Variants in ADAMTS7 observed in about 807,000 individuals in gnomAD.
The protein encoded by ADAMTS7 is A disintegrin and metalloproteinase with thrombospondin motifs 7.
In ADAMTS7, 89 loss-of-function variants were observed where a neutral mutation model predicts 172.6. The observed-to-expected ratio is 0.52, with a 90% CI of 0.43 to 0.61. The LOEUF (loss-of-function observed/expected upper bound fraction) is 0.61. Among genes scored for constraint, ADAMTS7 ranks in the 20% least tolerant of loss-of-function variants. The pLI is 0.00. For missense variants in ADAMTS7, 1,973 were observed against 2,355.6 expected, an observed-to-expected ratio of 0.84 and a Z score of 3.36; for synonymous variants, 885 against 978.4, an observed-to-expected ratio of 0.90 and a Z score of 1.78.
chr15:78,795,600 C>A (rs2055632520), intron 4 of ADAMTS7, among the ~76,000 whole-genome samples: 2 of 152,294 alleles, frequency 1.3e-5, no homozygotes, highest in African/African-American at 2.4e-5. Flanking sequence ...CAGGGGGAAG[C>A]AGCAGCATAG....
At chr15:78,778,518 T>C (rs1792719306) in intron 8 of ADAMTS7, among the ~76,000 whole-genome samples, 1 of 152,200 alleles carries the variant, frequency 6.6e-6, no homozygotes, top group Non-Finnish European at 1.5e-5. Flanking sequence ...CCATGGCTCA[T>C]TGCTGTCCTG....
At chr15:78,781,123 G>C (rs1292459986) in intron 8 of ADAMTS7, among the ~76,000 whole-genome samples, 1 of 152,232 alleles carries the variant, frequency 6.6e-6, no homozygotes, top group Non-Finnish European at 1.5e-5. Context: ...GACCAGCCAG[G>C]ATGAGAGGGT....
At position 78,763,756 on chromosome 15, in the gene ADAMTS7, G is replaced by A. The variant is rs986433581; in HGVS notation, c.4683C>T (p.Thr1561=). ...AGGGGTGGGTGTTGCAGGGCCGGGT[G>A]GTGTTGGGTCTCAGCGCCTCCTCGC... The part of the protein sequence containing the change: ...GLCEEALRPN[T]TRPCNTHPCT... The change falls in exon 22 of 24, where the codon ACC becomes ACT. Residue 1561 remains threonine (T), a synonymous_variant. Coordinates refer to ENST00000388820, the MANE Select transcript of ADAMTS7 (RefSeq NM_014272.5). 6 of 1,598,584 alleles carry A rather than the reference G, an allele frequency of 3.8e-6. No homozygotes were observed. In the African/African-American group the frequency reaches 5.4e-5, roughly 14 times the overall value.
At chr15:78,773,685 G>T (rs2055291109) in intron 13 of ADAMTS7, among the ~76,000 whole-genome samples, 3 of 152,082 alleles carry the variant, frequency 2.0e-5, no homozygotes, top group Admixed American at 2.0e-4. Flanking sequence ...GGCCGTCATT[G>T]TTATTAAAAA....
intron 1 of ADAMTS7, among the ~76,000 whole-genome samples, chr15:78,804,497 C>A (rs192580740): frequency 6.6e-6 from 1 of 152,216 alleles, no homozygotes; most frequent in African/African-American, 2.4e-5. Flanking sequence ...AATGCCTGAG[C>A]GCCCTGCTGA....
intron 4 of ADAMTS7, 73 bp downstream of exon 4, chr15:78,796,517 C>T (rs1596197413): frequency 6.5e-7 from 1 of 1,528,966 alleles, no homozygotes; most frequent in East Asian, 2.3e-5. Flanking sequence ...AGCCTTCCTG[C>T]CCTGCACCCA....
chr15:78,766,759 T>C lies in ADAMTS7; in HGVS notation c.3152A>G (p.Glu1051Gly). ...AAACACGGGCCCCGGCAGGTCCAGCTCTGGAGCCTCCTCCTCAATGGCGTT... is the reference window on the plus strand; with the variant it reads ...AAACACGGGCCCCGGCAGGTCCAGCCCTGGAGCCTCCTCCTCAATGGCGTT... ...MGNAIEEEAPELDLPGPVFVD... is the reference protein window; with the variant it reads ...MGNAIEEEAPGLDLPGPVFVD... The change falls in exon 19 of 24, where the codon GAG becomes GGG. Residue 1051 changes from glutamate (E) to glycine (G), a missense_variant. Coordinates refer to ENST00000388820, the MANE Select transcript of ADAMTS7 (RefSeq NM_014272.5). The C allele has an allele frequency of 6.2e-7, 1 of 1,610,608 alleles. No homozygotes were observed. The highest frequency in any genetic ancestry group is 8.5e-7 in the Non-Finnish European group (1 of 1,179,816).
chr15:78,766,609 T>C lies in ADAMTS7; in HGVS notation c.3302A>G (p.His1101Arg), dbSNP rs28699256. 654,619 of 1,580,084 alleles carry C rather than the reference T, an allele frequency of 0.41. 138,536 individuals are homozygous for C. Among genetic ancestry groups the C allele is most frequent in the Non-Finnish European group, 0.45 (526,366 of 1,159,802 alleles). The change falls in exon 19 of 24, where the codon CAT (histidine) becomes CGT (arginine). Residue 1101 changes from histidine to arginine, a missense_variant. His to Arg is a conservative substitution (Grantham distance 29, BLOSUM62 0). Coordinates refer to ENST00000388820, the MANE Select transcript of ADAMTS7 (RefSeq NM_014272.5). Reference protein sequence around the residue: ...TGDRTPPPHSHPAAPSTGSPV... With the variant: ...TGDRTPPPHSRPAAPSTGSPV... ...GCTACCCGTGGAGGGCGCAGCAGGATGGCTGTGTGGTGGGGGTGTCCGGTC... is the reference window on the plus strand; with the variant it reads ...GCTACCCGTGGAGGGCGCAGCAGGACGGCTGTGTGGTGGGGGTGTCCGGTC...
In ADAMTS7 at chr15:78,759,432, C is replaced by T. The variant is rs1045127; in HGVS notation, c.5050G>A (p.Ala1684Thr). Reference protein sequence around the residue: ...GAPSRGHQRVARR With the variant: ...GAPSRGHQRVTRR ...GCATCCTGGCGCAGTCAGCGGCGGG[C>T]AACCCGCTGATGGCCTCGGGAGGGG... Residue 1684 changes from alanine to threonine, a missense_variant, in exon 24 of 24, where the codon GCC (alanine) becomes ACC (threonine). Ala to Thr is a moderately conservative substitution (Grantham distance 58). Transcript: ENST00000388820. 51 of 1,593,534 alleles carry T rather than the reference C, an allele frequency of 3.2e-5. No individual in the cohort carries two copies. The highest frequency in any genetic ancestry group is 2.7e-4 in the East Asian group (12 of 44,644).
chr15:78,771,446 C>T lies in ADAMTS7; in HGVS notation c.2376+139G>A. Reference sequence around the variant, plus strand: ...GATGGGGAAACTGAGGTAGAGGCCGCAGCAGGAGGGCCTGGCTCAGAGCCA... The same window carrying T: ...GATGGGGAAACTGAGGTAGAGGCCGTAGCAGGAGGGCCTGGCTCAGAGCCA... On this transcript the variant is annotated intron_variant, in intron 15 of 23. Transcript: ENST00000388820. This position sits in a 1 kb window ranked among gnomAD's most constrained non-coding sequence, Gnocchi z 4.9. 6.5e-7 allele frequency: 1 copy of T among 1,535,738 alleles called. No individual in the cohort carries two copies.
rs537129032 is a variant in ADAMTS7 at position 78,777,531 on chromosome 15, G to T, written c.1380C>A (p.Pro460=). ...CATAGAGGACGCCAGGTGGCACCGA[G>T]GGGAAGTCGATAATGTCCTTGGCAG... ...DPPAKDIIDF[P]SVPPGVLYDV... is the part of the protein sequence containing the mutation. Residue 460 remains proline, a synonymous_variant, in exon 9 of 24, where the codon CCC becomes CCA. Coordinates refer to ENST00000388820, the MANE Select transcript of ADAMTS7 (RefSeq NM_014272.5). 1,075 of 1,608,124 alleles carry T rather than the reference G, an allele frequency of 6.7e-4. 2 individuals are homozygous for T. Among genetic ancestry groups the T allele is most frequent in the South Asian group, 1.7e-3 (156 of 89,922 alleles).
intron 1 of ADAMTS7, among the ~76,000 whole-genome samples, chr15:78,806,119 CACACACACAAAAAAAAAAA>C (rs1236717356): frequency 2.2e-4 from 4 of 17,852 alleles, no homozygotes; most frequent in South Asian, 2.9e-3. Flanking sequence ...CACACACACA[CACACACACAAAAAAAAAAA>C]AAAAAAAAAA....
In ADAMTS7 at chr15:78,771,469, C is replaced by G; in HGVS notation, c.2376+116G>C. 6.5e-7 allele frequency: 1 copy of G among 1,538,300 alleles called. No homozygotes were observed. Among genetic ancestry groups the G allele is most frequent in the Non-Finnish European group, 8.7e-7 (1 of 1,144,142 alleles). Reference sequence around the variant, plus strand: ...CGCAGCAGGAGGGCCTGGCTCAGAGCCAGGCTCTGTGACTGAACCAGGGCT... The same window carrying G: ...CGCAGCAGGAGGGCCTGGCTCAGAGGCAGGCTCTGTGACTGAACCAGGGCT... On this transcript the variant is annotated intron_variant, in intron 15 of 23. Transcript: ENST00000388820. This position sits in a 1 kb window ranked among gnomAD's most constrained non-coding sequence, Gnocchi z 4.9.
chr15:78,759,697 G>C (rs1437378411), intron 23 of ADAMTS7, 119 bp from the exon 24 acceptor site: 9 of 1,284,090 alleles, frequency 7.0e-6, no homozygotes, highest in African/African-American at 3.1e-5. Flanking sequence ...GAGAGCCCCA[G>C]TTTCTGGAGC....
intron 8 of ADAMTS7, among the ~76,000 whole-genome samples, chr15:78,783,420 C>T (rs1314424155): frequency 6.6e-6 from 1 of 151,320 alleles, no homozygotes; most frequent in South Asian, 2.1e-4. Context: ...CAGGCACCAG[C>T]CACCAGGCCT....
At position 78,763,748 on chromosome 15, in the gene ADAMTS7, G is replaced by T; in HGVS notation, c.4691C>A (p.Pro1564His). 6.3e-7 allele frequency: 1 copy of T among 1,597,026 alleles called. No homozygotes were observed. The highest frequency in any genetic ancestry group is 1.1e-5 in the South Asian group (1 of 89,912). ...EEALRPNTTR[P>H]CNTHPCTQWV... ...CTGCGTGCAGGGGTGGGTGTTGCAG[G>T]GCCGGGTGGTGTTGGGTCTCAGCGC... The change falls in exon 22 of 24, where the codon CCC (proline) becomes CAC (histidine). Residue 1564 changes from proline (P) to histidine (H), a missense_variant. By Grantham distance (77) the Pro-to-His change is moderately conservative. Transcript: ENST00000388820.
At position 78,791,141 on chromosome 15, in the gene ADAMTS7, T is replaced by C; in HGVS notation, c.902A>G (p.Glu301Gly). The C allele has an allele frequency of 6.2e-7, 1 of 1,612,704 alleles. No homozygotes were observed. Among genetic ancestry groups the C allele is most frequent in the African/African-American group, 1.3e-5 (1 of 75,010 alleles). The change falls in exon 5 of 24, where the codon GAG (glutamate) becomes GGG (glycine). Residue 301 changes from glutamate to glycine, a missense_variant and splice_region_variant. By Grantham distance (98) the Glu-to-Gly change is moderately conservative. Around this residue, in one of 8 missense-constraint regions of ADAMTS7, gnomAD observed 526 missense variants for 662.9 expected, o/e 0.79. Transcript: ENST00000388820. ...GCGTGGGACCACATGACCACTCACC[T>C]CCTCATCTTCCAGCAGGACCAGGCG... ...IVRLVLLEDE[E>G]EDLKITHHAD...
chr15:78,777,549 C>T lies in ADAMTS7; in HGVS notation c.1362G>A (p.Lys454=). 1 of 1,608,898 alleles carries T rather than the reference C, an allele frequency of 6.2e-7. No homozygotes were observed. Among genetic ancestry groups the T allele is most frequent in the East Asian group, 2.2e-5 (1 of 44,708 alleles). ...GCACCGAGGGGAAGTCGATAATGTCCTTGGCAGGAGGGTCGTCCAGGCACA... is the reference window on the plus strand; with the variant it reads ...GCACCGAGGGGAAGTCGATAATGTCTTTGGCAGGAGGGTCGTCCAGGCACA... ...WGLCLDDPPA[K]DIIDFPSVPP... is the part of the protein sequence containing the mutation. Residue 454 remains lysine, a synonymous_variant, in exon 9 of 24, where the codon AAG becomes AAA. Transcript: ENST00000388820.
At chr15:78,772,933 C>T in intron 14 of ADAMTS7, 150 bp downstream of exon 14, 1 of 1,079,994 alleles carries the variant, frequency 9.3e-7, no homozygotes, top group South Asian at 1.6e-5. Flanking sequence ...CCCCTGACTC[C>T]TGCAAGAATC....
Sources: gnomAD v4.1 joint callset for allele counts (sites outside exome capture counted in the v4.1 genomes callset) on GRCh38, gnomAD v4.1.1 for gene constraint, gnomAD v4.1.1 regional missense constraint, Gnocchi (gnomAD v3.1) non-coding constraint, MANE v1.5 for transcripts, NCBI Gene and HGNC (gene_info 2026-07-23, HGNC 2026-07-21) for gene names.